The following PIGO variants were observed in gnomAD, a reference collection of about 807,000 sequenced individuals.
The protein encoded by PIGO is phosphatidylinositol glycan anchor biosynthesis class O, also known as GPI ethanolamine phosphate transferase 3, catalytic subunit.
In PIGO, 66 loss-of-function variants were observed where a neutral mutation model predicts 86.9. The ratio of observed to expected loss-of-function variants is 0.76; its 90% CI spans 0.62 to 0.93. The LOEUF (loss-of-function observed/expected upper bound fraction) is 0.93, where lower values mean the gene tolerates loss of function less well. PIGO is among the 40% of genes least tolerant of loss of function. The pLI, the probability that PIGO is intolerant of heterozygous loss-of-function variation, is 0.00. For synonymous variants in PIGO, 570 were observed against 556.4 expected, an observed-to-expected ratio of 1.02 and a Z score of -0.34; for missense variants, 1,202 against 1,359.1, an observed-to-expected ratio of 0.88 and a Z score of 1.82.
At chr9:35,089,904 T>G in intron 9 of PIGO, 162 bp downstream of exon 9, 2 of 1,431,592 alleles carry the variant, frequency 1.4e-6, no homozygotes, top group Non-Finnish European at 1.8e-6. Context: ...GAGACCCAGG[T>G]TCAAGTCTCA....
intron 1 of PIGO, chr9:35,095,809 T>C: frequency 2.4e-6 from 1 of 420,470 alleles, no homozygotes; most frequent in Non-Finnish European, 4.1e-6. Context: ...AGGTGAGGAG[T>C]TCGAGACCAG....
Position 35,091,344 on chromosome 9 carries a change from A to G in PIGO, c.2543T>C (p.Leu848Pro), listed in dbSNP as rs1416988495. The G allele has an allele frequency of 6.2e-7, 1 of 1,614,240 alleles. No individual in the cohort carries two copies. The highest frequency in any genetic ancestry group is 1.1e-5 in the South Asian group (1 of 91,088). ...GCTGATGCGCTCCGCATGCAACAGC[A>G]GAAGTGGGAAGGCCAACAGGGTGAG... is the stretch of plus-strand genomic sequence containing the variant. Reference protein sequence around the residue: ...TALTLLAFPLLLLHAERISLV... With the variant: ...TALTLLAFPLPLLHAERISLV... Residue 848 changes from leucine to proline, a missense_variant, in exon 7 of 11, where the codon CTG becomes CCG. Coordinates refer to ENST00000378617, the MANE Select transcript of PIGO (RefSeq NM_032634.4).
chr9:35,092,462 TG>T lies in PIGO; in HGVS notation c.1424del (p.Pro475GlnfsTer10). 1 of 1,614,148 alleles carries T rather than the reference TG, an allele frequency of 6.2e-7. No individual in the cohort carries two copies. Among genetic ancestry groups the T allele is most frequent in the Non-Finnish European group, 8.5e-7 (1 of 1,180,006 alleles). ...GGAGTAGAGGGCAGAATGGAAAGCC[TG>T]GGGATATTGCCCACTGAGATGCCAG... ...CLLASQWAIS[P>X]GFPFCPLLLT... On this transcript the variant is annotated frameshift_variant, in exon 7 of 11. Coordinates refer to ENST00000378617, the MANE Select transcript of PIGO (RefSeq NM_032634.4). LOFTEE classifies it high-confidence loss of function.
At chr9:35,091,042 C>G in intron 7 of PIGO, 198 bp downstream of exon 7, 1 of 638,636 alleles carries the variant, frequency 1.6e-6, no homozygotes, top group Admixed American at 3.2e-5. Flanking sequence ...TCCATGAACC[C>G]TGGGAACCAA....
In PIGO at chr9:35,095,062, G is replaced by A. The variant is rs760025167; in HGVS notation, c.504C>T (p.Thr168=). 1.2e-6 allele frequency: 2 copies of A among 1,602,212 alleles called. No individual in the cohort carries two copies. The highest frequency in any genetic ancestry group is 2.2e-5 in the South Asian group (2 of 89,452). The change falls in exon 2 of 11, where the codon ACC becomes ACT. Residue 168 remains threonine (T), a synonymous_variant. Coordinates refer to ENST00000378617, the MANE Select transcript of PIGO (RefSeq NM_032634.4). The part of the protein sequence containing the change: ...IVEDNLIKQL[T]SAGRRVVFMG... The stretch of plus-strand genomic sequence containing the variant: ...AAAGTGGCCCACACTGACCTGCACT[G>A]GTGAGCTGCTTAATGAGATTGTCTT...
rs1279046618 is a variant in PIGO, at chr9:35,095,209, C to A, written c.357G>T (p.Arg119=). The A allele has an allele frequency of 6.2e-7, 1 of 1,614,142 alleles. No individual in the cohort carries two copies. The highest frequency in any genetic ancestry group is 8.5e-7 in the Non-Finnish European group (1 of 1,180,026). The change falls in exon 2 of 11, where the codon CGG becomes CGT. Residue 119 remains arginine (R), a synonymous_variant. Coordinates refer to ENST00000378617, the MANE Select transcript of PIGO (RefSeq NM_032634.4). The part of the protein sequence containing the change: ...RILEIQPHHA[R]LYRSQVDPPT... Reference sequence around the variant, plus strand: ...GAGGGTCAACCTGAGATCGGTAGAGCCGGGCATGGTGGGGCTGAATCTCCA... The same window carrying A: ...GAGGGTCAACCTGAGATCGGTAGAGACGGGCATGGTGGGGCTGAATCTCCA...
chr9:35,092,763 G>A lies in PIGO; in HGVS notation c.1124C>T (p.Ser375Phe). 2.5e-6 allele frequency: 4 copies of A among 1,602,690 alleles called. No individual in the cohort carries two copies. Among genetic ancestry groups the A allele is most frequent in the African/African-American group, 1.3e-5 (1 of 74,152 alleles). Residue 375 changes from serine to phenylalanine, a missense_variant, in exon 7 of 11, where the codon TCC (serine) becomes TTC (phenylalanine). Transcript: ENST00000378617. Reference protein sequence around the residue: ...SALHLNAQQVSRFLHTYSAAT... With the variant: ...SALHLNAQQVFRFLHTYSAAT... Reference sequence around the variant, plus strand: ...AGCTGAGTAGGTATGAAGAAATCGGGACACCTGGCAGAGAAAAGGTCAGAG... The same window carrying A: ...AGCTGAGTAGGTATGAAGAAATCGGAACACCTGGCAGAGAAAAGGTCAGAG...
Position 35,091,833 on chromosome 9 carries a change from C to A in PIGO, c.2054G>T (p.Arg685Leu), listed in dbSNP as rs537260013. ...AALVALLAAVRLWLRRYGNLK... is the reference protein window; with the variant it reads ...AALVALLAAVLLWLRRYGNLK... ...ATTACCATAGCGGCGAAGCCACAAGCGCACGGCAGCTAACAGGGCCACCAG... is the reference window on the plus strand; with the variant it reads ...ATTACCATAGCGGCGAAGCCACAAGAGCACGGCAGCTAACAGGGCCACCAG... Residue 685 changes from arginine (R) to leucine (L), a missense_variant, in exon 7 of 11, where the codon CGC becomes CTC. Arg to Leu is a moderately radical substitution (Grantham distance 102). Transcript: ENST00000378617. 5.6e-6 allele frequency: 9 copies of A among 1,613,836 alleles called. No homozygotes were observed. The highest frequency in any genetic ancestry group is 1.3e-5 in the African/African-American group (1 of 74,940).
chr9:35,089,582 T>C (rs1237081644), intron 9 of PIGO, 132 bp from the exon 10 acceptor site: 11 of 1,500,490 alleles, frequency 7.3e-6, no homozygotes, highest in Admixed American at 2.2e-5. Context: ...AAATATTGCA[T>C]GTCCTGGGCT....
chr9:35,093,959 G>T lies in PIGO; in HGVS notation c.721C>A (p.His241Asn). 1 of 1,614,186 alleles carries T rather than the reference G, an allele frequency of 6.2e-7. No homozygotes were observed. Among genetic ancestry groups the T allele is most frequent in the African/African-American group, 1.3e-5 (1 of 75,040 alleles). The change falls in exon 4 of 11, where the codon CAT (histidine) becomes AAT (asparagine). Residue 241 changes from histidine (H) to asparagine (N), a missense_variant. His to Asn is a moderately conservative substitution (Grantham distance 68). Coordinates refer to ENST00000378617, the MANE Select transcript of PIGO (RefSeq NM_032634.4). ...GCCATTTCAGGGTGGTGAGGGCCAT[G>T]CTTGTGGCCACAGTGGTCCACACCC... The part of the protein sequence containing the change: ...FLGVDHCGHK[H>N]GPHHPEMAKK...
In PIGO at chr9:35,095,534, G is replaced by T; in HGVS notation, c.32C>A (p.Ala11Asp). 2 of 1,595,020 alleles carry T rather than the reference G, an allele frequency of 1.3e-6. No individual in the cohort carries two copies. Among genetic ancestry groups the T allele is most frequent in the South Asian group, 1.1e-5 (1 of 88,550 alleles). The change falls in exon 2 of 11, where the codon GCC (alanine) becomes GAC (aspartate). Residue 11 changes from alanine to aspartate, a missense_variant. Ala to Asp is a moderately radical substitution (Grantham distance 126). Transcript: ENST00000378617. ...AGCGTAGAAGAGGAAGCAGACCCAG[G>T]CCAGGAAGAGCAACACTGAGGCTTT... is the stretch of plus-strand genomic sequence containing the variant. MQKASVLLFLAWVCFLFYAGI... is the reference protein window; with the variant it reads MQKASVLLFLDWVCFLFYAGI...
In PIGO at chr9:35,093,844, G is replaced by C. The variant is rs1306247115; in HGVS notation, c.779+57C>G. On this transcript the variant is annotated intron_variant, in intron 4 of 10. Transcript: ENST00000378617. ...CCAGGAAAGAAGCTCTAAGATAAGA[G>C]CTTCTTCGAGATTCTCAGACACAAA... The C allele has an allele frequency of 1.6e-5, 25 of 1,595,224 alleles. No homozygotes were observed. In the East Asian group the frequency reaches 5.2e-4, roughly 33 times the overall value.
intron 4 of PIGO, 149 bp from the exon 5 acceptor site, chr9:35,093,729 T>C: frequency 7.0e-7 from 1 of 1,425,416 alleles, no homozygotes. Flanking sequence ...TCTTCGGCCA[T>C]GATCCTGATG....
chr9:35,091,303 G>C lies in PIGO; in HGVS notation c.2584C>G (p.Leu862Val), dbSNP rs377645902. Residue 862 changes from leucine to valine, a missense_variant, in exon 7 of 11, where the codon CTG becomes GTG. Leu to Val is a conservative substitution (Grantham distance 32, BLOSUM62 1). Transcript: ENST00000378617. ...AERISLVFLLLFLQSFLLLHL... is the reference protein window; with the variant it reads ...AERISLVFLLVFLQSFLLLHL... The stretch of plus-strand genomic sequence containing the variant: ...AGGAGAAGGAAGCTCTGCAGAAACA[G>C]AAGCAGGAACACAAGGCTGATGCGC... 3.7e-6 allele frequency: 6 copies of C among 1,613,722 alleles called. No homozygotes were observed. The African/African-American group carries it at 8.0e-5, about 22-fold the overall frequency.
Position 35,089,201 on chromosome 9 carries a change from C to T in PIGO, c.3161G>A (p.Gly1054Asp), listed in dbSNP as rs372353644. 2 of 1,614,238 alleles carry T rather than the reference C, an allele frequency of 1.2e-6. No individual in the cohort carries two copies. Among genetic ancestry groups the T allele is most frequent in the South Asian group, 1.1e-5 (1 of 91,084 alleles). ...FAPKFIFEAV[G>D]FIVSSVGLLL... is the part of the protein sequence containing the mutation. ...AAGTCCCACGCTGCTCACAATGAAGCCCACAGCCTCAAATATGAACCTGCA... is the reference window on the plus strand; with the variant it reads ...AAGTCCCACGCTGCTCACAATGAAGTCCACAGCCTCAAATATGAACCTGCA... The change falls in exon 11 of 11, where the codon GGC becomes GAC. Residue 1054 changes from glycine (G) to aspartate (D), a missense_variant. By Grantham distance (94) the Gly-to-Asp change is moderately conservative. Transcript: ENST00000378617.
chr9:35,094,896 G>A (rs574864838), intron 2 of PIGO, among the ~76,000 whole-genome samples, 159 bp downstream of exon 2: 1 of 151,270 alleles, frequency 6.6e-6, no homozygotes, highest in South Asian at 2.1e-4. Context: ...CCCCCAAACT[G>A]AGCTCCCTAC....
rs2131076291 is a variant in PIGO, at chr9:35,092,211, A to G, written c.1676T>C (p.Val559Ala). Residue 559 changes from valine (V) to alanine (A), a missense_variant, in exon 7 of 11, where the codon GTG becomes GCG. Coordinates refer to ENST00000378617, the MANE Select transcript of PIGO (RefSeq NM_032634.4). Reference protein sequence around the residue: ...VLLLLLFRLAVFFSDSFVVAE... With the variant: ...VLLLLLFRLAAFFSDSFVVAE... ...TACAACAAAACTATCAGAGAAGAACACAGCCAAGCGAAACAGCAGGAGTAA... is the reference window on the plus strand; with the variant it reads ...TACAACAAAACTATCAGAGAAGAACGCAGCCAAGCGAAACAGCAGGAGTAA... The G allele has an allele frequency of 6.2e-7, 1 of 1,614,228 alleles. No individual in the cohort carries two copies. Among genetic ancestry groups the G allele is most frequent in the Middle Eastern group, 1.6e-4 (1 of 6,062 alleles).
chr9:35,092,947 T>A, intron 6 of PIGO, 83 bp downstream of exon 6: 1 of 1,483,332 alleles, frequency 6.7e-7, no homozygotes, highest in Middle Eastern at 2.4e-4. Flanking sequence ...CTAAGACTAG[T>A]CAAAGGACAA....
At chr9:35,091,194 C>A in intron 7 of PIGO, 46 bp downstream of exon 7, 1 of 1,518,498 alleles carries the variant, frequency 6.6e-7, no homozygotes, top group South Asian at 1.3e-5. Context: ...AGGGGCCGAA[C>A]TCACATCACT....
Sources: allele counts gnomAD v4.1 joint callset (sites outside exome capture counted in the v4.1 genomes callset), GRCh38; gene constraint gnomAD v4.1.1; transcripts MANE v1.5; gene names NCBI Gene and HGNC (gene_info 2026-07-23, HGNC 2026-07-21).